Variants in BMERB1 observed in about 807,000 individuals in gnomAD.
BMERB1 encodes bMERB domain containing 1.
BMERB1 carries 12 observed loss-of-function variants against 23.6 expected under a neutral mutation model. The observed-to-expected ratio is 0.51, with a 90% CI of 0.33 to 0.82. The LOEUF is 0.82. Among genes scored for constraint, BMERB1 ranks in the 40% least tolerant of loss-of-function variants. BMERB1 has a pLI of 0.03. For synonymous variants in BMERB1, 122 were observed against 96.6 expected (o/e 1.26, Z -1.54); for missense variants, 247 against 255.4 (o/e 0.97, Z 0.22).
chr16:15,450,119 C>T (rs1372875755), intron 1 of BMERB1, among the ~76,000 whole-genome samples: 3 of 151,866 alleles, frequency 2.0e-5, no homozygotes, highest in Non-Finnish European at 2.9e-5. Context: ...GCCCCTGTTG[C>T]GACCACTCAG....
chr16:15,576,790 C>T (rs753762114), intron 3 of BMERB1, among the ~76,000 whole-genome samples: 8 of 151,822 alleles, frequency 5.3e-5, no homozygotes, highest in African/African-American at 7.3e-5. Flanking sequence ...ACCCAAGGTT[C>T]GTTGTCTCTC....
At chr16:15,438,727 C>T (rs1286382774) in intron 1 of BMERB1, among the ~76,000 whole-genome samples, 3 of 152,126 alleles carry the variant, frequency 2.0e-5, no homozygotes, top group Non-Finnish European at 2.9e-5. Flanking sequence ...CCCAAAGGGC[C>T]GTGATTACAG....
chr16:15,483,849 A>G (rs996325602), intron 1 of BMERB1, among the ~76,000 whole-genome samples: 3 of 152,220 alleles, frequency 2.0e-5, no homozygotes, highest in Non-Finnish European at 4.4e-5. Context: ...TACTGTAGGT[A>G]GAGGTATCTT....
intron 3 of BMERB1, among the ~76,000 whole-genome samples, chr16:15,580,904 T>C (rs763737950): frequency 2.0e-5 from 3 of 151,646 alleles, no homozygotes; most frequent in Non-Finnish European, 4.4e-5. Context: ...TTTGTTTTTT[T>C]TTTCTTTCTT....
intron 2 of BMERB1, among the ~76,000 whole-genome samples, chr16:15,567,516 G>C (rs933020750): frequency 9.2e-5 from 14 of 152,196 alleles, no homozygotes; most frequent in African/African-American, 3.4e-4. Flanking sequence ...GGGAGGCTGA[G>C]GTGTGCAGAT....
intron 1 of BMERB1, among the ~76,000 whole-genome samples, chr16:15,486,075 C>G (rs1340226941): frequency 6.6e-6 from 1 of 151,748 alleles, no homozygotes; most frequent in Admixed American, 6.6e-5. Flanking sequence ...AACCTTGTCT[C>G]TACTAAAAAT....
chr16:15,510,812 G>A (rs1033874379), intron 1 of BMERB1, among the ~76,000 whole-genome samples: 4 of 151,580 alleles, frequency 2.6e-5, no homozygotes, highest in Admixed American at 1.3e-4. Flanking sequence ...TGTGGTTCTC[G>A]TGCCTCAGTC....
chr16:15,575,789 A>T (rs961046296), intron 3 of BMERB1, among the ~76,000 whole-genome samples: 1 of 152,026 alleles, frequency 6.6e-6, no homozygotes, highest in Non-Finnish European at 1.5e-5. Flanking sequence ...AGTGGCCCAC[A>T]ATTAGTCTGA....
At chr16:15,560,836 T>G (rs1460895451) in intron 2 of BMERB1, among the ~76,000 whole-genome samples, 3 of 151,676 alleles carry the variant, frequency 2.0e-5, no homozygotes, top group African/African-American at 7.3e-5. Flanking sequence ...TAAAAACTTT[T>G]ACAAAGAAGA....
At chr16:15,537,964 T>C (rs2052040539) in intron 2 of BMERB1, among the ~76,000 whole-genome samples, 1 of 152,102 alleles carries the variant, frequency 6.6e-6, no homozygotes, top group Non-Finnish European at 1.5e-5. Context: ...TGGCTGAAAA[T>C]TCTTAAATGT....
In BMERB1 at chr16:15,525,324, G is replaced by A. The variant is rs148112256; in HGVS notation, c.230+9896G>A. On this transcript the variant is annotated intron_variant, in intron 2 of 5. Coordinates refer to ENST00000300006, the MANE Select transcript of BMERB1 (RefSeq NM_033201.3). Reference sequence around the variant, plus strand: ...AGCCTTTGGACTGGAACTTAACACCGTCAGCTCTCCTGGGTCTCCAGCTGC... The same window carrying A: ...AGCCTTTGGACTGGAACTTAACACCATCAGCTCTCCTGGGTCTCCAGCTGC... Among the ~76,000 whole-genome samples, 121 of 152,232 alleles carry A rather than the reference G, an allele frequency of 7.9e-4. No individual in the cohort carries two copies. The East Asian group carries it at 0.017, about 22-fold the overall frequency.
intron 1 of BMERB1, among the ~76,000 whole-genome samples, chr16:15,469,359 C>T (rs2051210492): frequency 6.6e-6 from 1 of 152,092 alleles, no homozygotes; most frequent in South Asian, 2.1e-4. Context: ...TGTATTCTTC[C>T]ACCAGTAACA....
At chr16:15,553,091 T>G (rs1015629865) in intron 2 of BMERB1, among the ~76,000 whole-genome samples, 5 of 152,134 alleles carry the variant, frequency 3.3e-5, no homozygotes, top group African/African-American at 1.2e-4. Context: ...CACTGAAACC[T>G]CCATCTCCCA....
At chr16:15,446,363 C>G (rs550882256) in intron 1 of BMERB1, among the ~76,000 whole-genome samples, 1 of 152,086 alleles carries the variant, frequency 6.6e-6, no homozygotes, top group Non-Finnish European at 1.5e-5. Flanking sequence ...CCACTGCACT[C>G]CAGCATGGGC....
At chr16:15,521,205 G>T (rs1352498627) in intron 2 of BMERB1, among the ~76,000 whole-genome samples, 1 of 152,226 alleles carries the variant, frequency 6.6e-6, no homozygotes, top group Non-Finnish European at 1.5e-5. Flanking sequence ...TTTCTATGCG[G>T]CGAGCAGCAG....
chr16:15,443,653 C>T (rs1047854379), intron 1 of BMERB1, among the ~76,000 whole-genome samples: 7 of 151,898 alleles, frequency 4.6e-5, no homozygotes, highest in Non-Finnish European at 7.4e-5. Context: ...CATGGTGGCT[C>T]GAGCCTGTAA....
At chr16:15,541,601 T>G (rs1414374651) in intron 2 of BMERB1, among the ~76,000 whole-genome samples, 1 of 117,062 alleles carries the variant, frequency 8.5e-6, no homozygotes, top group Non-Finnish European at 1.6e-5. Flanking sequence ...AATTTTTAAT[T>G]TTTTTTTTTT....
rs1486679780 is a variant in BMERB1, at chr16:15,562,321, CATAA to C, written c.231-5653_231-5650del. Among the ~76,000 whole-genome samples, 501 of 140,588 alleles carry C rather than the reference CATAA, an allele frequency of 3.6e-3. 4 individuals are homozygous for C. Among genetic ancestry groups the C allele is most frequent in the African/African-American group, 0.012 (461 of 38,552 alleles). The allele number at this position is 140,588 out of a possible 152,430, so 92.2% of individuals were successfully genotyped here. On this transcript the variant is annotated intron_variant, in intron 2 of 5. Coordinates refer to ENST00000300006, the MANE Select transcript of BMERB1 (RefSeq NM_033201.3). The stretch of plus-strand genomic sequence containing the variant: ...TCTTTTTCAAAAAAAAAAAAAAAAA[CATAA>C]ATAAATAATTAAAAATGAGTTAGGT...
At chr16:15,500,173 C>G (rs1567470527) in intron 1 of BMERB1, among the ~76,000 whole-genome samples, 1 of 152,024 alleles carries the variant, frequency 6.6e-6, no homozygotes. Context: ...TGGCTCCCAA[C>G]AGACTACACT....
Sources: allele counts gnomAD v4.1 joint callset (sites outside exome capture counted in the v4.1 genomes callset), GRCh38; gene constraint gnomAD v4.1.1; transcripts MANE v1.5; gene names NCBI Gene and HGNC (gene_info 2026-07-23, HGNC 2026-07-21).